JAG2: variants seen among roughly 807,000 people sequenced by gnomAD.
JAG2 encodes the protein jagged canonical Notch ligand 2.
In JAG2, 46 loss-of-function variants were observed where a neutral mutation model predicts 141.7. The ratio of observed to expected loss-of-function variants is 0.32; its 90% CI spans 0.26 to 0.42. The LOEUF (loss-of-function observed/expected upper bound fraction) is 0.42. JAG2 is among the 10% of genes least tolerant of loss of function. The probability of loss-of-function intolerance (pLI) is 1.00; values close to 1 mark genes in which losing one functional copy is unlikely to be tolerated. For missense variants in JAG2, 1,500 were observed against 1,817.5 expected (o/e 0.83, Z 3.18); for synonymous variants, 862 against 763.5 (o/e 1.13, Z -2.13).
chr14:105,151,196 G>T, intron 9 of JAG2, 87 bp downstream of exon 9: 2 of 1,459,470 alleles, frequency 1.4e-6, no homozygotes, highest in Non-Finnish European at 9.3e-7. Flanking sequence ...AGCAGCCCCA[G>T]CAGCCCCAGC....
chr14:105,151,009 C>T lies in JAG2; in HGVS notation c.1363G>A (p.Gly455Ser). 1.2e-6 allele frequency: 2 copies of T among 1,612,726 alleles called. No individual in the cohort carries two copies. The highest frequency in any genetic ancestry group is 1.7e-6 in the Non-Finnish European group (2 of 1,179,788). Reference protein sequence around the residue: ...YYCDCIPGWKGINCHINVNDC... With the variant: ...YYCDCIPGWKSINCHINVNDC... ...TACTGACTGATATGGCAGTTGATGC[C>T]CTTCCAGCCCGGGATGCAATCACAG... Residue 455 changes from glycine to serine, a missense_variant, in exon 10 of 26, where the codon GGC becomes AGC. Transcript: ENST00000331782.
chr14:105,147,073 G>A (rs900523943), intron 20 of JAG2: 6 of 605,116 alleles, frequency 9.9e-6, no homozygotes, highest in Admixed American at 5.6e-5. Flanking sequence ...CAGGCTGCAC[G>A]CTCCAACCCC....
chr14:105,150,549 C>G, intron 12 of JAG2, 55 bp downstream of exon 12: 1 of 1,506,666 alleles, frequency 6.6e-7, no homozygotes, highest in East Asian at 2.5e-5. Flanking sequence ...GGGACGAGGC[C>G]TGCCCTACAG....
At chr14:105,155,506 G>C (rs1888552001) in intron 5 of JAG2, 56 bp downstream of exon 5, 1 of 1,588,378 alleles carries the variant, frequency 6.3e-7, no homozygotes, top group Non-Finnish European at 8.6e-7. Flanking sequence ...GTGTGTGCCA[G>C]TGAGGACGTG....
Position 105,145,566 on chromosome 14 carries a change from C to T in JAG2, c.2952+165G>A, listed in dbSNP as rs587629083. ...CTGCCACCTCCACCCAGCACCAGGCCCAATGCCCCTCTCATCTGACCCCAC... is the reference window on the plus strand; with the variant it reads ...CTGCCACCTCCACCCAGCACCAGGCTCAATGCCCCTCTCATCTGACCCCAC... On this transcript the variant is annotated intron_variant, in intron 23 of 25. Transcript: ENST00000331782. Among the ~76,000 whole-genome samples, 6 of 152,334 alleles carry T rather than the reference C, an allele frequency of 3.9e-5. No individual in the cohort carries two copies. In the East Asian group the frequency reaches 1.2e-3, roughly 29 times the overall value.
rs587620062 is a variant in JAG2 at position 105,146,754 on chromosome 14, A to C, written c.2480-30T>G. The C allele has an allele frequency of 3.5e-5, 55 of 1,560,338 alleles. 1 individual carries two copies. In the Middle Eastern group the frequency reaches 1.2e-3, roughly 33 times the overall value. On this transcript the variant is annotated intron_variant, in intron 20 of 25. Coordinates refer to ENST00000331782, the MANE Select transcript of JAG2 (RefSeq NM_002226.5). ...AGGGAGAGCCACCGCTGCTCAGTGC[A>C]GTGAGGCCAACGCCCACCGCAGGAC...
In JAG2 at chr14:105,168,373, C is replaced by T. The variant is rs770924306; in HGVS notation, c.48G>A (p.Leu16=). Reference sequence around the variant, plus strand: ...CGCTCACCTGCACCCAGAGCGCCAGCAGCAGCAGCAGCCGCCGGGGAAGGC... The same window carrying T: ...CGCTCACCTGCACCCAGAGCGCCAGTAGCAGCAGCAGCCGCCGGGGAAGGC... ...RGRLPRRLLL[L]LALWVQAARP... is the part of the protein sequence containing the mutation. The change falls in exon 1 of 26, where the codon CTG becomes CTA. Residue 16 remains leucine (L), a synonymous_variant. Transcript: ENST00000331782. The T allele has an allele frequency of 1.5e-5, 15 of 1,027,174 alleles. No homozygotes were observed. In the South Asian group the frequency reaches 3.4e-4, roughly 23 times the overall value. 63.6% of individuals were successfully genotyped at this position (1,027,174 alleles called of 1,614,324 possible).
chr14:105,150,442 G>A (rs776116299), intron 12 of JAG2, among the ~76,000 whole-genome samples, 162 bp downstream of exon 12: 30 of 152,146 alleles, frequency 2.0e-4, no homozygotes, highest in Non-Finnish European at 3.8e-4. Flanking sequence ...TGACAGCCCC[G>A]CCTGCCCACC....
chr14:105,160,815 A>G (rs942726816), intron 2 of JAG2, among the ~76,000 whole-genome samples: 3 of 151,390 alleles, frequency 2.0e-5, no homozygotes, highest in African/African-American at 7.3e-5. Context: ...GCGAGCCGAG[A>G]TCGCACCATT....
In JAG2 at chr14:105,142,688, G is replaced by T. The variant is rs1473419428; in HGVS notation, c.*7C>A. Reference sequence around the variant, plus strand: ...GCCCTGGGTCCCGGCCCAGCTGGCAGCCGCCCCTACTCCTTGCCGGCGTAG... The same window carrying T: ...GCCCTGGGTCCCGGCCCAGCTGGCATCCGCCCCTACTCCTTGCCGGCGTAG... On this transcript the variant is annotated 3_prime_UTR_variant, in exon 26 of 26. Coordinates refer to ENST00000331782, the MANE Select transcript of JAG2 (RefSeq NM_002226.5). 6.3e-7 allele frequency: 1 copy of T among 1,588,828 alleles called. No individual in the cohort carries two copies. The highest frequency in any genetic ancestry group is 1.1e-5 in the South Asian group (1 of 87,566).
At position 105,143,178 on chromosome 14, in the gene JAG2, C is replaced by A. The variant is rs768101872; in HGVS notation, c.3242-8G>T. 8 of 1,596,548 alleles carry A rather than the reference C, an allele frequency of 5.0e-6. No individual in the cohort carries two copies. In the South Asian group the frequency reaches 8.8e-5, roughly 18 times the overall value. The stretch of plus-strand genomic sequence containing the variant: ...GCACAGGCACCAGCAGACCTGGGGA[C>A]CGGGGAGAAGAGCCGGTGGGCAATG... On this transcript the variant is annotated splice_polypyrimidine_tract_variant and splice_region_variant and intron_variant, in intron 25 of 25. Transcript: ENST00000331782.
intron 2 of JAG2, among the ~76,000 whole-genome samples, chr14:105,164,756 G>A (rs587749319): frequency 1.3e-5 from 2 of 152,240 alleles, no homozygotes; most frequent in African/African-American, 2.4e-5. Flanking sequence ...TCTGGGAGCC[G>A]GGCTGGGGGC....
chr14:105,146,589 A>C, intron 21 of JAG2, 22 bp downstream of exon 21: 1 of 1,602,820 alleles, frequency 6.2e-7, no homozygotes, highest in Non-Finnish European at 8.5e-7. Context: ...GCCCCAACCC[A>C]GGGCAATCAC....
At chr14:105,164,133 G>T (rs1268382321) in intron 2 of JAG2, among the ~76,000 whole-genome samples, 1 of 143,680 alleles carries the variant, frequency 7.0e-6, no homozygotes, top group Non-Finnish European at 1.5e-5. Context: ...CTATCGTGCT[G>T]CGGCTTTGAC....
chr14:105,156,623 G>T (rs3784241), intron 3 of JAG2, among the ~76,000 whole-genome samples: 14,229 of 152,212 alleles, frequency 0.093, 835 homozygotes, highest in South Asian at 0.2. Context: ...TGCAAAGTCC[G>T]TGATGCCGGT....
intron 20 of JAG2, chr14:105,146,953 C>T: frequency 1.6e-6 from 1 of 638,662 alleles, no homozygotes; most frequent in Non-Finnish European, 2.8e-6. Flanking sequence ...TGGGCCTGTC[C>T]CATCCTGGAT....
chr14:105,166,240 G>A (rs948138813), intron 2 of JAG2, among the ~76,000 whole-genome samples: 6 of 152,248 alleles, frequency 3.9e-5, no homozygotes, highest in African/African-American at 1.2e-4. Flanking sequence ...AAGAGCCAGG[G>A]CGGACACGCG....
chr14:105,148,524 C>T, intron 15 of JAG2, 85 bp from the exon 16 acceptor site: 6 of 1,055,668 alleles, frequency 5.7e-6, no homozygotes, highest in South Asian at 1.4e-5. Context: ...TGGAGCTGGG[C>T]CAGGTGAGGA....
In JAG2 at chr14:105,142,689, C is replaced by T. The variant is rs780584707; in HGVS notation, c.*6G>A. 1 of 1,589,324 alleles carries T rather than the reference C, an allele frequency of 6.3e-7. No individual in the cohort carries two copies. The highest frequency in any genetic ancestry group is 1.7e-5 in the Admixed American group (1 of 58,022). ...CCCTGGGTCCCGGCCCAGCTGGCAG[C>T]CGCCCCTACTCCTTGCCGGCGTAGC... On this transcript the variant is annotated 3_prime_UTR_variant, in exon 26 of 26. Coordinates refer to ENST00000331782, the MANE Select transcript of JAG2 (RefSeq NM_002226.5).
Sources: gnomAD v4.1 joint callset for allele counts (sites outside exome capture counted in the v4.1 genomes callset) on GRCh38, gnomAD v4.1.1 for gene constraint, MANE v1.5 for transcripts, NCBI Gene and HGNC (gene_info 2026-07-23, HGNC 2026-07-21) for gene names.